Variants in ILDR1 observed in about 807,000 individuals in gnomAD.
ILDR1 encodes the protein immunoglobulin-like domain-containing receptor 1.
ILDR1 carries 56 observed loss-of-function variants against 62.4 expected under a neutral mutation model. The ratio of observed to expected loss-of-function variants is 0.90; its 90% confidence interval spans 0.72 to 1.12. ILDR1 has a LOEUF of 1.12. Among genes scored for constraint, ILDR1 ranks in the 50% most tolerant of loss-of-function variants. The pLI, the probability that ILDR1 is intolerant of heterozygous loss-of-function variation, is 0.00. For missense variants in ILDR1, 736 were observed against 710.6 expected, an observed-to-expected ratio of 1.04 and a Z score of -0.41; for synonymous variants, 284 against 277.8, an observed-to-expected ratio of 1.02 and a Z score of -0.22.
upstream of ILDR1, among the ~76,000 whole-genome samples, chr3:122,025,755 AT>A (rs369877663): frequency 1.7e-3 from 257 of 152,340 alleles, 1 homozygote; most frequent in Middle Eastern, 3.4e-3. Context: ...AGGGAAAAGA[AT>A]GAAGAATCAG....
chr3:122,045,672 A>G, the ILDR1 span, among the ~76,000 whole-genome samples: 1 of 151,628 alleles, frequency 6.6e-6, no homozygotes, highest in African/African-American at 2.4e-5. Context: ...CCATTATGTA[A>G]TGGCCTTCTT....
the ILDR1 span, chr3:122,055,451 G>C: frequency 6.2e-7 from 1 of 1,608,936 alleles, no homozygotes; most frequent in Admixed American, 1.7e-5. Context: ...GATGAGTGGG[G>C]TCATTTCCAG....
At chr3:122,042,052 G>T in the ILDR1 span, among the ~76,000 whole-genome samples, 1 of 112,138 alleles carries the variant, frequency 8.9e-6, no homozygotes. Flanking sequence ...ATCTCCCAAT[G>T]CTATCCCTCC....
chr3:122,014,901 C>A (rs1219805805), intron 1 of ILDR1, among the ~76,000 whole-genome samples: 2 of 152,192 alleles, frequency 1.3e-5, no homozygotes, highest in Non-Finnish European at 2.9e-5. Context: ...AAGTCATTCA[C>A]CCAGGTTAGT....
At chr3:121,994,112 T>C in intron 6 of ILDR1, 70 bp downstream of exon 6, 1 of 1,523,626 alleles carries the variant, frequency 6.6e-7, no homozygotes. Flanking sequence ...GTCACAGAGG[T>C]CTTGATGTAG....
At chr3:121,995,714 C>T (rs2071426369) in intron 5 of ILDR1, among the ~76,000 whole-genome samples, 1 of 152,200 alleles carries the variant, frequency 6.6e-6, no homozygotes, top group South Asian at 2.1e-4. Context: ...AGATGCCTCT[C>T]CCTAGCTCCC....
upstream of ILDR1, among the ~76,000 whole-genome samples, chr3:122,023,187 G>T (rs1431064311): frequency 6.6e-6 from 1 of 150,964 alleles, no homozygotes; most frequent in Non-Finnish European, 1.5e-5. Flanking sequence ...TTATAAGTAG[G>T]TACATATTTA....
chr3:122,033,883 A>C, the ILDR1 span, among the ~76,000 whole-genome samples: 1 of 151,934 alleles, frequency 6.6e-6, no homozygotes, highest in Non-Finnish European at 1.5e-5. Flanking sequence ...AACTATTATG[A>C]CTCTACAAAA....
the ILDR1 span, among the ~76,000 whole-genome samples, chr3:122,039,362 C>A: frequency 6.6e-6 from 1 of 151,386 alleles, no homozygotes; most frequent in African/African-American, 2.4e-5. Flanking sequence ...TTAAAAGTAG[C>A]CAGAGAGAAA....
the ILDR1 span, among the ~76,000 whole-genome samples, chr3:122,040,966 A>G: frequency 2.0e-5 from 3 of 152,338 alleles, no homozygotes; most frequent in East Asian, 5.8e-4. Context: ...AAGAGTGTGA[A>G]AAGACAAGAC....
rs145386701 is a variant in ILDR1, at chr3:122,010,006, G to T, written c.59-2845C>A. 3.1e-3 allele frequency among the ~76,000 whole-genome samples: 465 copies of T among 152,362 alleles called. 3 individuals are homozygous for T. Among genetic ancestry groups the T allele is most frequent in the African/African-American group, 0.01 (435 of 41,586 alleles). On this transcript the variant is annotated intron_variant, in intron 1 of 7. Transcript: ENST00000344209. ...CTCTGCGGCAGTGCAGGCGAGAGCT[G>T]TGGGCAGGAAGACTTCATGAAAGGA... is the stretch of plus-strand genomic sequence containing the variant.
the ILDR1 span, among the ~76,000 whole-genome samples, chr3:122,047,056 A>G: frequency 4.6e-4 from 66 of 143,704 alleles, no homozygotes; most frequent in Non-Finnish European, 9.4e-4. Flanking sequence ...GGTTTTATCT[A>G]CTTTTGGTCT....
At chr3:122,037,752 G>A in the ILDR1 span, among the ~76,000 whole-genome samples, 13 of 152,200 alleles carry the variant, frequency 8.5e-5, 1 homozygote, top group South Asian at 2.7e-3. Flanking sequence ...GAGGGGCCAG[G>A]GGCAGAATGA....
chr3:121,987,454 A>G lies in ILDR1; in HGVS notation c.*913T>C, dbSNP rs942813262. On this transcript the variant is annotated 3_prime_UTR_variant, in exon 8 of 8. Transcript: ENST00000344209. ...ATCAATACACAATATATATGAAAAT[A>G]TAAATTAGATATACAGGTAAAAAAA... is the stretch of plus-strand genomic sequence containing the variant. 2 of 152,170 alleles carry G rather than the reference A, an allele frequency of 1.3e-5. No individual in the cohort carries two copies. The highest frequency in any genetic ancestry group is 4.8e-5 in the African/African-American group (2 of 41,428). The allele number at this position is 152,170 out of a possible 1,614,324, so 9.4% of individuals were successfully genotyped here. A position where few individuals can be genotyped will look rare whatever the true frequency, so the allele number is the denominator to read the frequency against.
At chr3:122,006,212 T>C (rs548110390) in intron 2 of ILDR1, among the ~76,000 whole-genome samples, 1 of 152,296 alleles carries the variant, frequency 6.6e-6, no homozygotes, top group South Asian at 2.1e-4. Context: ...TCCCTCTCCA[T>C]TTGCTTCTTC....
chr3:121,998,604 A>G (rs1050633353), intron 5 of ILDR1, among the ~76,000 whole-genome samples: 1 of 152,138 alleles, frequency 6.6e-6, no homozygotes, highest in African/African-American at 2.4e-5. Context: ...TGCACTTATC[A>G]TTTGTGTTAG....
At chr3:121,997,162 A>G (rs1049697630) in intron 5 of ILDR1, among the ~76,000 whole-genome samples, 5 of 152,098 alleles carry the variant, frequency 3.3e-5, no homozygotes, top group African/African-American at 1.2e-4. Context: ...CGGCCTCCCA[A>G]AGTACTGGGA....
chr3:122,039,398 G>T, the ILDR1 span, among the ~76,000 whole-genome samples: 4 of 151,946 alleles, frequency 2.6e-5, no homozygotes, highest in Non-Finnish European at 5.9e-5. Context: ...GAGGAAAAAA[G>T]ATATTACACG....
the ILDR1 span, among the ~76,000 whole-genome samples, chr3:122,044,734 G>A: frequency 1.3e-5 from 2 of 151,842 alleles, no homozygotes; most frequent in African/African-American, 4.8e-5. Context: ...TCTGATGGTA[G>A]TTTGTATTTC....
Sources: allele counts gnomAD v4.1 joint callset (sites outside exome capture counted in the v4.1 genomes callset), GRCh38; gene constraint gnomAD v4.1.1; transcripts MANE v1.5; gene names NCBI Gene and HGNC (gene_info 2026-07-23, HGNC 2026-07-21).